The following DNAH7 variants were observed in gnomAD, a reference collection of about 807,000 sequenced individuals.
The protein encoded by DNAH7 is axonemal beta dynein heavy chain 7.
A neutral mutation model predicts 444.6 loss-of-function variants in DNAH7; 397 were observed. The ratio of observed to expected loss-of-function variants is 0.89; its 90% CI spans 0.82 to 0.97. DNAH7 has a LOEUF of 0.97. DNAH7 is among the 50% of genes least tolerant of loss of function. The probability of loss-of-function intolerance (pLI) is 0.00; values close to 1 mark genes in which losing one functional copy is unlikely to be tolerated. For missense variants in DNAH7, 4,902 were observed against 4,800.8 expected, an observed-to-expected ratio of 1.02 and a Z score of -0.62; for synonymous variants, 1,636 against 1,624.4, an observed-to-expected ratio of 1.01 and a Z score of -0.17.
rs759939763 is a variant in DNAH7, at chr2:195,872,358, G to C, written c.6525C>G (p.His2175Gln). ...AGAAATCACGGAGGTTGAACAAGTA[G>C]TGAGATTTAGCTGGAGTAGGCAAGA... ...KNLLPTPAKSHYLFNLRDFSR... is the reference protein window; with the variant it reads ...KNLLPTPAKSQYLFNLRDFSR... The change falls in exon 40 of 65, where the codon CAC becomes CAG. Residue 2175 changes from histidine to glutamine, a missense_variant. Physicochemically the swap from His to Gln is conservative, Grantham distance 24 (BLOSUM62 0). Coordinates refer to ENST00000312428, the MANE Select transcript of DNAH7 (RefSeq NM_018897.3). The C allele has an allele frequency of 1.2e-6, 2 of 1,613,908 alleles. No individual in the cohort carries two copies. Among genetic ancestry groups the C allele is most frequent in the Non-Finnish European group, 8.5e-7 (1 of 1,179,870 alleles).
chr2:195,777,238 G>A (rs1384027388), intron 59 of DNAH7, among the ~76,000 whole-genome samples: 1 of 152,192 alleles, frequency 6.6e-6, no homozygotes, highest in African/African-American at 2.4e-5. Context: ...GCAGTGGACA[G>A]GACTGGAGAA....
At chr2:195,972,124 T>C in intron 16 of DNAH7, 118 bp downstream of exon 16, 1 of 753,220 alleles carries the variant, frequency 1.3e-6, no homozygotes, top group South Asian at 1.9e-5. Context: ...GATTATAGCA[T>C]TATAGTATGA....
In DNAH7 at chr2:195,957,790, C is replaced by G. The variant is rs1426551236; in HGVS notation, c.2892-343G>C. Among the ~76,000 whole-genome samples, 3 of 151,972 alleles carry G rather than the reference C, an allele frequency of 2.0e-5. No individual in the cohort carries two copies. In the East Asian group the frequency reaches 5.8e-4, roughly 29 times the overall value. On this transcript the variant is annotated intron_variant, in intron 18 of 64. Transcript: ENST00000312428. ...TAACATTTATGCTTATAGAGATATA[C>G]ACGTTAAGATATACTTATCTACTAT...
intron 36 of DNAH7, among the ~76,000 whole-genome samples, chr2:195,879,633 G>T (rs1194010149): frequency 6.6e-6 from 1 of 151,984 alleles, no homozygotes; most frequent in Non-Finnish European, 1.5e-5. Flanking sequence ...GAATATTTTT[G>T]ATGTTTACAT....
chr2:196,003,175 A>AT (rs1190083368), intron 10 of DNAH7, among the ~76,000 whole-genome samples: 1 of 151,842 alleles, frequency 6.6e-6, no homozygotes, highest in Non-Finnish European at 1.5e-5. Flanking sequence ...AAAAAAAAAA[A>AT]AGATGGAAAA....
At chr2:196,062,133 C>T (rs1329958911) in intron 1 of DNAH7, among the ~76,000 whole-genome samples, 1 of 152,132 alleles carries the variant, frequency 6.6e-6, no homozygotes, top group African/African-American at 2.4e-5. Context: ...TTTCTCTGAC[C>T]ACCACATCCT....
intron 5 of DNAH7, among the ~76,000 whole-genome samples, chr2:196,038,305 A>T (rs1696521579): frequency 6.6e-6 from 1 of 152,180 alleles, no homozygotes; most frequent in African/African-American, 2.4e-5. Flanking sequence ...CACCATCATG[A>T]AAACACACTA....
At chr2:195,787,305 A>T in intron 57 of DNAH7, 134 bp from the exon 58 acceptor site, 1 of 938,838 alleles carries the variant, frequency 1.1e-6, no homozygotes. Flanking sequence ...AATTACAATT[A>T]TAACAGAGTT....
intron 34 of DNAH7, among the ~76,000 whole-genome samples, chr2:195,885,563 G>A (rs1258567611): frequency 6.6e-6 from 1 of 151,940 alleles, no homozygotes; most frequent in African/African-American, 2.4e-5. Context: ...AGTTAAGCAA[G>A]TACCATATTG....
At chr2:195,801,539 T>C (rs1048353273) in intron 54 of DNAH7, among the ~76,000 whole-genome samples, 21 of 152,096 alleles carry the variant, frequency 1.4e-4, no homozygotes, top group African/African-American at 5.1e-4. Flanking sequence ...CCCGACTGAA[T>C]AGCTGCTCAG....
At position 195,897,696 on chromosome 2, in the gene DNAH7, AT is replaced by A. The variant is rs1702405615; in HGVS notation, c.4617del (p.Lys1539AsnfsTer21). ...LRSIIDVNLP[K>X]FLSHDLPLFE... ...AAGAGTGGTAAATCATGGGATAAAA[AT>A]TTTGGCAGATTTACATCAATGATAG... On this transcript the variant is annotated frameshift_variant, in exon 29 of 65. Transcript: ENST00000312428. LOFTEE classifies it high-confidence loss of function. The A allele has an allele frequency of 6.2e-7, 1 of 1,604,666 alleles. No individual in the cohort carries two copies.
chr2:195,942,529 A>C (rs1689528023), intron 19 of DNAH7, among the ~76,000 whole-genome samples: 1 of 152,136 alleles, frequency 6.6e-6, no homozygotes, highest in Admixed American at 6.6e-5. Context: ...GAGTAAGTAC[A>C]GTGAAAAGTT....
chr2:196,044,403 G>A (rs1696970934), intron 5 of DNAH7, among the ~76,000 whole-genome samples: 1 of 151,450 alleles, frequency 6.6e-6, no homozygotes, highest in Non-Finnish European at 1.5e-5. Flanking sequence ...AGGACACAAA[G>A]GCATAAGAAT....
intron 57 of DNAH7, among the ~76,000 whole-genome samples, chr2:195,788,351 G>A (rs1574434873): frequency 6.6e-6 from 1 of 152,212 alleles, no homozygotes; most frequent in African/African-American, 2.4e-5. Flanking sequence ...AGCCCAAGGT[G>A]AGACACTGGG....
intron 27 of DNAH7, chr2:195,900,748 C>T (rs541412): frequency 0.25 from 71,763 of 284,234 alleles, 13,018 homozygotes; most frequent in African/African-American, 0.61. Flanking sequence ...TGTGGGGTGA[C>T]TATAGTTAAA....
intron 14 of DNAH7, among the ~76,000 whole-genome samples, chr2:195,985,451 G>C (rs892941445): frequency 6.6e-6 from 1 of 152,192 alleles, no homozygotes; most frequent in African/African-American, 2.4e-5. Context: ...CAGGTTCAGA[G>C]GCATTGAAAG....
At chr2:195,842,458 T>C (rs2124997367) in intron 47 of DNAH7, among the ~76,000 whole-genome samples, 1 of 152,180 alleles carries the variant, frequency 6.6e-6, no homozygotes, top group South Asian at 2.1e-4. Flanking sequence ...TTCTGGGGAA[T>C]GGAAGAGGGC....
chr2:195,968,686 C>G (rs971823969), intron 17 of DNAH7, among the ~76,000 whole-genome samples: 2 of 152,208 alleles, frequency 1.3e-5, no homozygotes, highest in African/African-American at 2.4e-5. Flanking sequence ...AGGACAGCAT[C>G]AGGGCTTGCC....
chr2:195,987,455 T>C lies in DNAH7; in HGVS notation c.1627-262A>G, dbSNP rs148801081. Among the ~76,000 whole-genome samples the C allele has an allele frequency of 7.7e-4, 117 of 152,182 alleles. 1 individual carries two copies. Among genetic ancestry groups the C allele is most frequent in the African/African-American group, 2.6e-3 (107 of 41,530 alleles). On this transcript the variant is annotated intron_variant, in intron 13 of 64. Coordinates refer to ENST00000312428, the MANE Select transcript of DNAH7 (RefSeq NM_018897.3). ...TATTAGCAATAACAATTTTGGTGAA[T>C]TGAATTACTGTATTGCTAAATAAAT... is the stretch of plus-strand genomic sequence containing the variant.
Sources: gnomAD v4.1 joint callset for allele counts (sites outside exome capture counted in the v4.1 genomes callset) on GRCh38, gnomAD v4.1.1 for gene constraint, MANE v1.5 for transcripts, NCBI Gene and HGNC (gene_info 2026-07-23, HGNC 2026-07-21) for gene names.